TUBA1C: variants seen among roughly 807,000 people sequenced by gnomAD.
The protein encoded by TUBA1C is tubulin alpha-1C chain.
Under a neutral mutation model 34.9 loss-of-function variants are expected in TUBA1C, and 16 were observed. That is an observed-to-expected ratio of 0.46 (90% confidence interval 0.31 to 0.70). The LOEUF (loss-of-function observed/expected upper bound fraction) is 0.70, where lower values mean the gene tolerates loss of function less well. Ranked by LOEUF, TUBA1C falls within the 30% of genes least tolerant of loss-of-function variation. TUBA1C has a pLI of 0.05. For missense variants in TUBA1C, 329 were observed against 587.3 expected, an observed-to-expected ratio of 0.56 and a Z score of 4.55; for synonymous variants, 177 against 215.9, an observed-to-expected ratio of 0.82 and a Z score of 1.58.
Position 49,273,685 on chromosome 12 carries a change from G to C in TUBA1C, c.*458G>C, listed in dbSNP as rs960458905. ...GGCATGAGCCACTGCCCAGCTTCTT[G>C]GTTTATCTGTTTAATTTGGGCCTGA... is the stretch of plus-strand genomic sequence containing the variant. On this transcript the variant is annotated 3_prime_UTR_variant, in exon 4 of 4. Transcript: ENST00000301072. The C allele has an allele frequency of 2.3e-5, 5 of 216,186 alleles. No homozygotes were observed. The highest frequency in any genetic ancestry group is 5.3e-5 in the Admixed American group (1 of 19,040). 13.4% of individuals were successfully genotyped at this position (216,186 alleles called of 1,614,324 possible). A position where few individuals can be genotyped will look rare whatever the true frequency, so the allele number is the denominator to read the frequency against.
intron 1 of TUBA1C, 76 bp from the exon 2 acceptor site, chr12:49,269,389 T>C (rs1942957601): frequency 6.3e-7 from 1 of 1,597,092 alleles, no homozygotes; most frequent in South Asian, 1.1e-5. Flanking sequence ...GGTTAATCAG[T>C]CATTAGGTGT....
upstream of TUBA1C, among the ~76,000 whole-genome samples, chr12:49,264,488 G>A (rs922074918): frequency 6.6e-6 from 1 of 152,082 alleles, no homozygotes; most frequent in African/African-American, 2.4e-5. Context: ...GGCGCCCGCG[G>A]GCCCAGCCGG....
At chr12:49,271,493 T>TA (rs1419535647) in intron 3 of TUBA1C, among the ~76,000 whole-genome samples, 1 of 152,236 alleles carries the variant, frequency 6.6e-6, no homozygotes, top group Non-Finnish European at 1.5e-5. Flanking sequence ...ATACTGTGCT[T>TA]ACTGTGCCAA....
intron 1 of TUBA1C, among the ~76,000 whole-genome samples, chr12:49,269,217 G>A (rs1942955713): frequency 1.3e-5 from 2 of 152,092 alleles, no homozygotes; most frequent in South Asian, 4.2e-4. Flanking sequence ...GCGCCATCAT[G>A]CCTGGCTAAT....
chr12:49,240,035 G>GAC (rs5798100), intron 1 of TUBA1C, among the ~76,000 whole-genome samples: 10,413 of 138,652 alleles, frequency 0.075, 567 homozygotes, highest in African/African-American at 0.16. Context: ...TCAGAGCACA[G>GAC]ACACACACAC....
rs8181711 is a variant in TUBA1C, at chr12:49,254,735, C to T, written c.214-14730C>T. 6.7e-3 allele frequency among the ~76,000 whole-genome samples: 1,025 copies of T among 152,102 alleles called. 18 individuals carry two copies. Among genetic ancestry groups the T allele is most frequent in the African/African-American group, 0.024 (989 of 41,462 alleles). ...TCAGTTTTTAACTCAATCCCTAGTC[C>T]TTCTCCCCTCCCTGGAGGATGGGGG... On this transcript the variant is annotated intron_variant, in intron 1 of 3. Transcript: ENST00000541364.
In TUBA1C at chr12:49,273,734, T is replaced by C. The variant is rs1362963634; in HGVS notation, c.*507T>C. On this transcript the variant is annotated 3_prime_UTR_variant, in exon 4 of 4. Coordinates refer to ENST00000301072, the MANE Select transcript of TUBA1C (RefSeq NM_032704.5). ...GAATTAAGTGGTTATAGAATCATTTTGTAAGTGAGGAAACGGGTTCAGATT... is the reference window on the plus strand; with the variant it reads ...GAATTAAGTGGTTATAGAATCATTTCGTAAGTGAGGAAACGGGTTCAGATT... 5.3e-6 allele frequency: 1 copy of C among 187,822 alleles called. No homozygotes were observed. Among genetic ancestry groups the C allele is most frequent in the Non-Finnish European group, 1.1e-5 (1 of 89,160 alleles). The allele number at this position is 187,822 out of a possible 1,614,324, so 11.6% of individuals were successfully genotyped here. A position where few individuals can be genotyped will look rare whatever the true frequency, so the allele number is the denominator to read the frequency against.
chr12:49,241,383 G>A (rs1942613298), intron 1 of TUBA1C, among the ~76,000 whole-genome samples: 1 of 152,078 alleles, frequency 6.6e-6, no homozygotes, highest in East Asian at 1.9e-4. Flanking sequence ...GGAGGGAAAG[G>A]TGTTTCCATT....
chr12:49,265,271 G>T (rs954488975), intron 1 of TUBA1C, 87 bp downstream of exon 1: 25 of 1,138,704 alleles, frequency 2.2e-5, no homozygotes, highest in Non-Finnish European at 2.9e-5. Flanking sequence ...CTCGGGCCGC[G>T]CCCAGGACAG....
chr12:49,261,215 G>C (rs1197106265), upstream of TUBA1C, among the ~76,000 whole-genome samples: 1 of 151,412 alleles, frequency 6.6e-6, no homozygotes, highest in Admixed American at 6.6e-5. Context: ...GGGCAACACA[G>C]CGAGACACCG....
intron 1 of TUBA1C, among the ~76,000 whole-genome samples, chr12:49,241,319 C>A (rs1942612560): frequency 6.6e-6 from 1 of 152,110 alleles, no homozygotes; most frequent in Non-Finnish European, 1.5e-5. Context: ...ACCCCCAGTG[C>A]CTAACTAGTG....
intron 1 of TUBA1C, among the ~76,000 whole-genome samples, chr12:49,265,957 T>TTA (rs1942902881): frequency 2.2e-5 from 2 of 91,830 alleles, no homozygotes; most frequent in East Asian, 4.3e-4. Flanking sequence ...GTCTCTACTT[T>TTA]AAAAAAAAAA....
At chr12:49,246,068 C>T (rs1592276500) in intron 1 of TUBA1C, among the ~76,000 whole-genome samples, 1 of 152,178 alleles carries the variant, frequency 6.6e-6, no homozygotes, top group East Asian at 2.0e-4. Flanking sequence ...CCACGCCCAC[C>T]TAATTTTTGT....
rs745978644 is a variant in TUBA1C, at chr12:49,269,882, C to A, written c.281C>A (p.Thr94Lys). The change falls in exon 3 of 4, where the codon ACA becomes AAA. Residue 94 changes from threonine (T) to lysine (K), a missense_variant. Physicochemically the swap from Thr to Lys is moderately conservative, Grantham distance 78. Coordinates refer to ENST00000301072, the MANE Select transcript of TUBA1C (RefSeq NM_032704.5). ...CTCTTCCACCCTGAGCAACTCATCA[C>A]AGGCAAGGAAGATGCTGCCAATAAC... ...RQLFHPEQLI[T>K]GKEDAANNYA... 1 of 1,614,194 alleles carries A rather than the reference C, an allele frequency of 6.2e-7. No homozygotes were observed. Among genetic ancestry groups the A allele is most frequent in the South Asian group, 1.1e-5 (1 of 91,088 alleles).
chr12:49,260,569 T>A (rs1942831525), upstream of TUBA1C, among the ~76,000 whole-genome samples: 1 of 152,166 alleles, frequency 6.6e-6, no homozygotes, highest in African/African-American at 2.4e-5. Context: ...TTTTAAAGAC[T>A]GCAAACATTT....
chr12:49,270,857 T>A (rs936022779), intron 3 of TUBA1C, among the ~76,000 whole-genome samples: 42 of 152,014 alleles, frequency 2.8e-4, no homozygotes, highest in Non-Finnish European at 5.3e-4. Flanking sequence ...TGGGCGCCTG[T>A]AGTCCTAGCT....
At chr12:49,233,611 A>G (rs1942519535) in intron 1 of TUBA1C, 2 of 152,314 alleles carry the variant, frequency 1.3e-5, no homozygotes, top group South Asian at 4.1e-4. Flanking sequence ...CCAGAGCCCT[A>G]TAGCTGTGCC....
chr12:49,228,664 A>T (rs913817186), intron 1 of TUBA1C, among the ~76,000 whole-genome samples: 3 of 152,198 alleles, frequency 2.0e-5, no homozygotes, highest in Admixed American at 1.3e-4. Flanking sequence ...CTAAAGAATG[A>T]TTTATTAATT....
chr12:49,269,441 C>T lies in TUBA1C; in HGVS notation c.4-24C>T, dbSNP rs746574599. 3.7e-6 allele frequency: 6 copies of T among 1,613,818 alleles called. No homozygotes were observed. The Admixed American group carries it at 5.0e-5, about 13-fold the overall frequency. On this transcript the variant is annotated intron_variant, in intron 1 of 3. Coordinates refer to ENST00000301072, the MANE Select transcript of TUBA1C (RefSeq NM_032704.5). ...TCCCATCTGATGTATTATACCCTGA[C>T]ATTTTCCTTTCTTCCTCCCACAGCG...
Sources: allele counts gnomAD v4.1 joint callset (sites outside exome capture counted in the v4.1 genomes callset), GRCh38; gene constraint gnomAD v4.1.1; transcripts MANE v1.5; gene names NCBI Gene and HGNC (gene_info 2026-07-23, HGNC 2026-07-21).